DCAF15: variants seen among roughly 807,000 people sequenced by gnomAD.
DCAF15 encodes DDB1- and CUL4-associated factor 15.
Under a neutral mutation model 68.0 loss-of-function variants are expected in DCAF15, and 24 were observed. The ratio of observed to expected loss-of-function variants is 0.35; its 90% confidence interval spans 0.26 to 0.50. DCAF15 has a LOEUF of 0.50. Ranked by LOEUF, DCAF15 falls within the 20% of genes least tolerant of loss-of-function variation. DCAF15 has a pLI of 0.98. For synonymous variants in DCAF15, 376 were observed against 341.6 expected (o/e 1.10, Z -1.11); for missense variants, 627 against 830.6 (o/e 0.75, Z 3.01).
chr19:13,954,765 T>A, intron 3 of DCAF15, 104 bp downstream of exon 3: 2 of 1,254,162 alleles, frequency 1.6e-6, no homozygotes, highest in Non-Finnish European at 2.3e-6. Context: ...GATCATCATG[T>A]ACTCCTGGGG....
chr19:13,955,819 C>T, intron 3 of DCAF15, 93 bp from the exon 4 acceptor site: 1 of 1,336,892 alleles, frequency 7.5e-7, no homozygotes, highest in African/African-American at 1.4e-5. Flanking sequence ...CCTACCCGCT[C>T]AGCCCCAGCC....
intron 12 of DCAF15, 121 bp downstream of exon 12, chr19:13,960,701 C>G: frequency 1.8e-6 from 2 of 1,091,998 alleles, no homozygotes; most frequent in Non-Finnish European, 2.6e-6. Flanking sequence ...GCAGCCCAGG[C>G]CAGGCCCAGC....
intron 1 of DCAF15, among the ~76,000 whole-genome samples, 165 bp downstream of exon 1, chr19:13,952,809 G>A (rs1281039250): frequency 7.0e-6 from 1 of 143,388 alleles, no homozygotes; most frequent in East Asian, 2.1e-4. Flanking sequence ...TGGCTTGGAT[G>A]GAGGGGGCTC....
rs1473227287 is a variant in DCAF15, at chr19:13,955,766, C to T, written c.367-146C>T. The T allele has an allele frequency of 7.8e-5, 59 of 755,082 alleles. 1 individual carries two copies. In the East Asian group the frequency reaches 1.5e-3, roughly 19 times the overall value. The allele number at this position is 755,082 out of a possible 1,614,324, so 46.8% of individuals were successfully genotyped here. A position where few individuals can be genotyped will look rare whatever the true frequency, so the allele number is the denominator to read the frequency against. On this transcript the variant is annotated intron_variant, in intron 3 of 12. Coordinates refer to ENST00000254337, the MANE Select transcript of DCAF15 (RefSeq NM_138353.4). Reference sequence around the variant, plus strand: ...GGTGAAAGGAGCCTCCACGGCTGTCCTCAGGCAAGGTGGAGGGGTGTGGCG... The same window carrying T: ...GGTGAAAGGAGCCTCCACGGCTGTCTTCAGGCAAGGTGGAGGGGTGTGGCG...
chr19:13,959,825 T>C lies in DCAF15; in HGVS notation c.1370T>C (p.Val457Ala). 6 of 1,596,374 alleles carry C rather than the reference T, an allele frequency of 3.8e-6. No homozygotes were observed. Among genetic ancestry groups the C allele is most frequent in the Non-Finnish European group, 5.1e-6 (6 of 1,168,912 alleles). Reference sequence around the variant, plus strand: ...GACTTCGAATATGTTATCAATGAGGTCATCCGCCACGACGCTACCTGGGGC... The same window carrying C: ...GACTTCGAATATGTTATCAATGAGGCCATCCGCCACGACGCTACCTGGGGC... ...TLDFEYVINE[V>A]IRHDATWGHQ... The change falls in exon 9 of 13, where the codon GTC (valine) becomes GCC (alanine). Residue 457 changes from valine (V) to alanine (A), a missense_variant. By Grantham distance (64) the Val-to-Ala change is moderately conservative (BLOSUM62 0). Transcript: ENST00000254337.
rs142104915 is a variant in DCAF15 at position 13,956,318 on chromosome 19, C to T, written c.614-34C>T. On this transcript the variant is annotated intron_variant, in intron 5 of 12. Coordinates refer to ENST00000254337, the MANE Select transcript of DCAF15 (RefSeq NM_138353.4). ...CCCCCCTCCCCCCCTTGCTCCGGGC[C>T]GAGAGTGAGCTGCTGTGGCGTGTGT... 7.2e-3 allele frequency: 11,589 copies of T among 1,612,144 alleles called. 77 individuals are homozygous for T. The highest frequency in any genetic ancestry group is 0.023 in the Middle Eastern group (137 of 6,058).
chr19:13,959,143 C>G lies in DCAF15; in HGVS notation c.883C>G (p.Leu295Val). 1.2e-6 allele frequency: 2 copies of G among 1,612,708 alleles called. No homozygotes were observed. Among genetic ancestry groups the G allele is most frequent in the Non-Finnish European group, 1.7e-6 (2 of 1,179,876 alleles). The stretch of plus-strand genomic sequence containing the variant: ...CCAGAGCCCAGAGCTGCCCCCTGCC[C>G]TCCCCAGCTTCTGCCCTGAGGCGGC... ...EPQSPELPPA[L>V]PSFCPEAAPA... Residue 295 changes from leucine (L) to valine (V), a missense_variant, in exon 7 of 13, where the codon CTC becomes GTC. Physicochemically the swap from Leu to Val is conservative, Grantham distance 32. Transcript: ENST00000254337.
In DCAF15 at chr19:13,960,362, C is replaced by A; in HGVS notation, c.1602C>A (p.Gly534=). 6.2e-7 allele frequency: 1 copy of A among 1,613,976 alleles called. No individual in the cohort carries two copies. The highest frequency in any genetic ancestry group is 8.5e-7 in the Non-Finnish European group (1 of 1,179,988). The change falls in exon 11 of 13, where the codon GGC becomes GGA. Residue 534 remains glycine, a synonymous_variant. Coordinates refer to ENST00000254337, the MANE Select transcript of DCAF15 (RefSeq NM_138353.4). The stretch of plus-strand genomic sequence containing the variant: ...GGATCTTCGAGACAGTCAGTGTAGG[C>A]GACCTGACTGAGGTCAAAGGGCAGA... The part of the protein sequence containing the change: ...NTGIFETVSV[G]DLTEVKGQTS...
intron 12 of DCAF15, 52 bp from the exon 13 acceptor site, chr19:13,960,888 G>C: frequency 1.2e-6 from 2 of 1,610,230 alleles, no homozygotes; most frequent in South Asian, 1.1e-5. Flanking sequence ...GGGTGTGGCC[G>C]CAGGGCCAGG....
intron 6 of DCAF15, among the ~76,000 whole-genome samples, 158 bp downstream of exon 6, chr19:13,956,680 C>T (rs1023716523): frequency 7.9e-5 from 12 of 152,260 alleles, no homozygotes; most frequent in Admixed American, 3.3e-4. Flanking sequence ...AATGTGGCCA[C>T]GCCCACCACA....
At chr19:13,958,647 C>T (rs1388701142) in intron 6 of DCAF15, among the ~76,000 whole-genome samples, 3 of 152,122 alleles carry the variant, frequency 2.0e-5, no homozygotes, top group African/African-American at 7.2e-5. Context: ...TGCCTTAGGT[C>T]TTCCATATCA....
In DCAF15 at chr19:13,955,963, C is replaced by T. The variant is rs1973341786; in HGVS notation, c.418C>T (p.Leu140=). The T allele has an allele frequency of 1.2e-6, 2 of 1,613,976 alleles. No individual in the cohort carries two copies. Among genetic ancestry groups the T allele is most frequent in the Non-Finnish European group, 1.7e-6 (2 of 1,180,028 alleles). The change falls in exon 4 of 13, where the codon CTG becomes TTG. Residue 140 remains leucine, a synonymous_variant. Transcript: ENST00000254337. The part of the protein sequence containing the change: ...QDEEIYSDLY[L]TVCEWPSDAS... ...CGAGGAGATCTACAGCGACCTGTACCTGACCGTATGCGAGTGGCCCAGCGA... is the reference window on the plus strand; with the variant it reads ...CGAGGAGATCTACAGCGACCTGTACTTGACCGTATGCGAGTGGCCCAGCGA...
At chr19:13,960,123 C>CT (rs1344200329) in intron 10 of DCAF15, 54 bp downstream of exon 10, 3 of 1,603,438 alleles carry the variant, frequency 1.9e-6, no homozygotes, top group Non-Finnish European at 2.6e-6. Context: ...CTGGCAGACA[C>CT]TTCACGGTGG....
At chr19:13,953,404 C>G (rs746820084) in intron 1 of DCAF15, 1 of 380,794 alleles carries the variant, frequency 2.6e-6, no homozygotes, top group Non-Finnish European at 4.8e-6. Flanking sequence ...CTGTGTCTCC[C>G]CCTTTTGACT....
chr19:13,960,213 C>T, intron 10 of DCAF15, 74 bp from the exon 11 acceptor site: 1 of 1,576,360 alleles, frequency 6.3e-7, no homozygotes, highest in Non-Finnish European at 8.7e-7. Context: ...GACAAAAGGC[C>T]CTCAGGGTAG....
At position 13,960,511 on chromosome 19, in the gene DCAF15, A is replaced by G. The variant is rs770097315; in HGVS notation, c.1678A>G (p.Met560Val). ...SYRKSCVDMVMKWLVPESSGR... is the reference protein window; with the variant it reads ...SYRKSCVDMVVKWLVPESSGR... Reference sequence around the variant, plus strand: ...CCGCAAGAGCTGCGTGGACATGGTCATGAAGTGGCTGGTGCCGGAGAGCAG... The same window carrying G: ...CCGCAAGAGCTGCGTGGACATGGTCGTGAAGTGGCTGGTGCCGGAGAGCAG... The change falls in exon 12 of 13, where the codon ATG (methionine) becomes GTG (valine). Residue 560 changes from methionine (M) to valine (V), a missense_variant. By Grantham distance (21) the Met-to-Val change is conservative (BLOSUM62 1). Coordinates refer to ENST00000254337, the MANE Select transcript of DCAF15 (RefSeq NM_138353.4). The G allele has an allele frequency of 6.2e-7, 1 of 1,610,992 alleles. No individual in the cohort carries two copies.
intron 1 of DCAF15, 73 bp from the exon 2 acceptor site, chr19:13,954,267 G>C: frequency 1.5e-6 from 2 of 1,338,696 alleles, no homozygotes; most frequent in African/African-American, 1.4e-5. Flanking sequence ...GAGCCGCTCT[G>C]CCTCTCTGCC....
At chr19:13,959,961 G>C (rs776502432) in intron 9 of DCAF15, 23 bp from the exon 10 acceptor site, 1 of 1,607,470 alleles carries the variant, frequency 6.2e-7, no homozygotes, top group East Asian at 2.2e-5. Context: ...TCAACAGTTG[G>C]CATCATCCAC....
In DCAF15 at chr19:13,959,666, C is replaced by T. The variant is rs150933337; in HGVS notation, c.1304C>T (p.Ala435Val). The T allele has an allele frequency of 7.4e-6, 12 of 1,613,326 alleles. No homozygotes were observed. The African/African-American group carries it at 1.5e-4, about 20-fold the overall frequency. The change falls in exon 8 of 13, where the codon GCT (alanine) becomes GTT (valine). Residue 435 changes from alanine (A) to valine (V), a missense_variant. Ala to Val is a moderately conservative substitution (Grantham distance 64, BLOSUM62 0). Coordinates refer to ENST00000254337, the MANE Select transcript of DCAF15 (RefSeq NM_138353.4). The part of the protein sequence containing the change: ...RNLRPMRERT[A>V]VQGQYLTVEQ... ...CTGCGGCCCATGCGGGAGCGGACTG[C>T]TGTCCAGGTGGGTGTGGGCAGTGGG... is the stretch of plus-strand genomic sequence containing the variant.
Sources: gnomAD v4.1 joint callset for allele counts (sites outside exome capture counted in the v4.1 genomes callset) on GRCh38, gnomAD v4.1.1 for gene constraint, MANE v1.5 for transcripts, NCBI Gene and HGNC (gene_info 2026-07-23, HGNC 2026-07-21) for gene names.